Variants in MELK observed in about 807,000 individuals in gnomAD.
MELK encodes maternal embryonic leucine zipper kinase, also known as pEg3 kinase.
MELK carries 81 observed loss-of-function variants against 85.0 expected under a neutral mutation model. The observed-to-expected ratio is 0.95, with a 90% CI of 0.80 to 1.15. The LOEUF (loss-of-function observed/expected upper bound fraction) is 1.15. Among genes scored for constraint, MELK ranks in the 50% most tolerant of loss-of-function variants. The pLI is 0.00. For missense variants in MELK, 754 were observed against 777.5 expected (o/e 0.97, Z 0.36); for synonymous variants, 252 against 265.0 (o/e 0.95, Z 0.48).
At chr9:36,630,587 C>T (rs1161719138) in intron 9 of MELK, among the ~76,000 whole-genome samples, 4 of 152,026 alleles carry the variant, frequency 2.6e-5, no homozygotes, top group Non-Finnish European at 4.4e-5. Flanking sequence ...TCTTACTTTG[C>T]GAATTTTCTG....
chr9:36,638,354 C>T (rs770635664), intron 10 of MELK, among the ~76,000 whole-genome samples: 3 of 150,616 alleles, frequency 2.0e-5, no homozygotes, highest in Non-Finnish European at 4.4e-5. Context: ...GGTGTGATCT[C>T]GGCTCACCGC....
intron 1 of MELK, among the ~76,000 whole-genome samples, chr9:36,575,838 T>G (rs1358552571): frequency 6.6e-6 from 1 of 152,244 alleles, no homozygotes; most frequent in Non-Finnish European, 1.5e-5. Context: ...GTCCTTTGCA[T>G]GGAATGTAAA....
At chr9:36,642,854 G>T in intron 10 of MELK, 143 bp from the exon 11 acceptor site, 2 of 630,422 alleles carry the variant, frequency 3.2e-6, no homozygotes, top group Non-Finnish European at 5.4e-6. Flanking sequence ...AGAGAATATT[G>T]ATTCTTCCCC....
rs367700205 is a variant in MELK, at chr9:36,657,367, C to T, written c.1176+4C>T. 5.3e-4 allele frequency: 845 copies of T among 1,599,932 alleles called. 2 individuals are homozygous for T. The highest frequency in any genetic ancestry group is 4.6e-4 in the Non-Finnish European group (543 of 1,175,564). On this transcript the variant is annotated splice_donor_region_variant and intron_variant, in intron 13 of 17. Coordinates refer to ENST00000298048, the MANE Select transcript of MELK (RefSeq NM_014791.4). ...TGCTACTCCCCGAACATCACAGGTT[C>T]GTCATTCTTATTACTATTTAAGGCA...
intron 4 of MELK, among the ~76,000 whole-genome samples, chr9:36,593,176 C>CT (rs368674596): frequency 0.021 from 2,710 of 131,188 alleles, 78 homozygotes; most frequent in African/African-American, 0.064. Context: ...AGAGCTTCCT[C>CT]TTTTTTTTTT....
chr9:36,614,911 G>A (rs1209992786), intron 8 of MELK, among the ~76,000 whole-genome samples: 1 of 147,346 alleles, frequency 6.8e-6, no homozygotes, highest in African/African-American at 2.6e-5. Flanking sequence ...ATTCCACAAA[G>A]CCCCCATTGT....
At chr9:36,626,304 A>G (rs905190281) in intron 8 of MELK, among the ~76,000 whole-genome samples, 21 of 152,162 alleles carry the variant, frequency 1.4e-4, no homozygotes, top group Admixed American at 9.8e-4. Context: ...AGAAAGCACA[A>G]ACAATTTCTT....
At chr9:36,614,425 G>GTTTTTT (rs58332948) in intron 8 of MELK, among the ~76,000 whole-genome samples, 53 of 118,984 alleles carry the variant, frequency 4.5e-4, no homozygotes, top group African/African-American at 1.9e-3. Context: ...TTATTTTTGG[G>GTTTTTT]TTTTTTTTTT....
intron 5 of MELK, among the ~76,000 whole-genome samples, chr9:36,596,889 C>CT (rs2135516299): frequency 6.6e-6 from 1 of 152,314 alleles, no homozygotes; most frequent in Admixed American, 6.5e-5. Context: ...CCCAGCCCTT[C>CT]TTTTCCCTTA....
At chr9:36,673,378 A>C (rs1738422982) in intron 16 of MELK, among the ~76,000 whole-genome samples, 1 of 152,194 alleles carries the variant, frequency 6.6e-6, no homozygotes, top group South Asian at 2.1e-4. Context: ...AAATGGATTT[A>C]TAGAGATATA....
chr9:36,672,348 A>G (rs1647369742), intron 16 of MELK, among the ~76,000 whole-genome samples: 1 of 152,180 alleles, frequency 6.6e-6, no homozygotes, highest in African/African-American at 2.4e-5. Flanking sequence ...CCATAGTACC[A>G]TTGCACTGAA....
At chr9:36,666,555 T>C (rs1028205636) in intron 14 of MELK, among the ~76,000 whole-genome samples, 11 of 152,120 alleles carry the variant, frequency 7.2e-5, no homozygotes, top group South Asian at 2.1e-4. Flanking sequence ...TTAGCCTTTT[T>C]CCCCCCACCA....
At chr9:36,601,827 T>C (rs1824960574) in intron 7 of MELK, among the ~76,000 whole-genome samples, 1 of 152,218 alleles carries the variant, frequency 6.6e-6, no homozygotes, top group Non-Finnish European at 1.5e-5. Flanking sequence ...ACAATATTTG[T>C]CTTTTTGTGA....
At chr9:36,586,733 T>C (rs1258521022) in intron 3 of MELK, among the ~76,000 whole-genome samples, 2 of 152,238 alleles carry the variant, frequency 1.3e-5, no homozygotes, top group African/African-American at 2.4e-5. Flanking sequence ...TCAAAACTTA[T>C]TCTAAAGCGT....
In MELK at chr9:36,665,362, T is replaced by C. The variant is rs753760464; in HGVS notation, c.1189T>C (p.Trp397Arg). ...TTTTTTTTTCCAGTTTACCAAGTAC[T>C]GGACAGAATCAAATGGGGTGGAATC... Reference protein sequence around the residue: ...TPRTSQFTKYWTESNGVESKS... With the variant: ...TPRTSQFTKYRTESNGVESKS... Residue 397 changes from tryptophan (W) to arginine (R), a missense_variant, in exon 14 of 18, where the codon TGG becomes CGG. Coordinates refer to ENST00000298048, the MANE Select transcript of MELK (RefSeq NM_014791.4). The C allele has an allele frequency of 2.5e-6, 4 of 1,611,312 alleles. No individual in the cohort carries two copies. Among genetic ancestry groups the C allele is most frequent in the South Asian group, 1.1e-5 (1 of 90,694 alleles).
At chr9:36,666,862 TG>T (rs1832396246) in intron 14 of MELK, among the ~76,000 whole-genome samples, 1 of 7,956 alleles carries the variant, frequency 1.3e-4, no homozygotes, top group Non-Finnish European at 5.3e-4. Context: ...TTTGTGTGTG[TG>T]TGTGTGTGTG....
intron 8 of MELK, among the ~76,000 whole-genome samples, chr9:36,618,332 C>G (rs1827055427): frequency 6.7e-6 from 1 of 150,294 alleles, no homozygotes; most frequent in South Asian, 2.1e-4. Context: ...TCATTTGAAC[C>G]TGGGAGGCAG....
At chr9:36,645,065 G>A (rs958418116) in intron 11 of MELK, among the ~76,000 whole-genome samples, 3 of 151,542 alleles carry the variant, frequency 2.0e-5, no homozygotes, top group African/African-American at 7.3e-5. Context: ...TCAGGAGATT[G>A]AGGCCAACAT....
rs1432334695 is a variant in MELK at position 36,657,356 on chromosome 9, C to T, written c.1169C>T (p.Thr390Ile). Residue 390 changes from threonine to isoleucine, a missense_variant, in exon 13 of 18, where the codon ACA becomes ATA. Thr to Ile is a moderately conservative substitution (Grantham distance 89). Transcript: ENST00000298048. Reference protein sequence around the residue: ...DLSTGAATPRTSQFTKYWTES... With the variant: ...DLSTGAATPRISQFTKYWTES... ...TCAACAGGTGCTGCTACTCCCCGAACATCACAGGTTCGTCATTCTTATTAC... is the reference window on the plus strand; with the variant it reads ...TCAACAGGTGCTGCTACTCCCCGAATATCACAGGTTCGTCATTCTTATTAC... The T allele has an allele frequency of 6.2e-7, 1 of 1,607,006 alleles. No individual in the cohort carries two copies. Among genetic ancestry groups the T allele is most frequent in the Non-Finnish European group, 8.5e-7 (1 of 1,178,102 alleles).
Sources: allele counts gnomAD v4.1 joint callset (sites outside exome capture counted in the v4.1 genomes callset), GRCh38; gene constraint gnomAD v4.1.1; transcripts MANE v1.5; gene names NCBI Gene and HGNC (gene_info 2026-07-23, HGNC 2026-07-21).